Variants in ABL2 observed in about 807,000 individuals in gnomAD.
ABL2 encodes tyrosine-protein kinase ABL2.
ABL2 carries 49 observed loss-of-function variants against 107.7 expected under a neutral mutation model. That is an observed-to-expected ratio of 0.45 (90% CI 0.36 to 0.58). The LOEUF is 0.58. Among genes scored for constraint, ABL2 ranks in the 20% least tolerant of loss-of-function variants. The probability of loss-of-function intolerance (pLI) is 0.00; values close to 1 mark genes in which losing one functional copy is unlikely to be tolerated. For synonymous variants in ABL2, 549 were observed against 548.6 expected, an observed-to-expected ratio of 1.00 and a Z score of -0.01; for missense variants, 1,245 against 1,457.0, an observed-to-expected ratio of 0.85 and a Z score of 2.37.
At chr1:179,142,126 T>C (rs547234485) in intron 1 of ABL2, among the ~76,000 whole-genome samples, 2 of 152,220 alleles carry the variant, frequency 1.3e-5, no homozygotes, top group African/African-American at 4.8e-5. Flanking sequence ...ATGACTACTA[T>C]AAATTAGGTA....
intron 1 of ABL2, among the ~76,000 whole-genome samples, chr1:179,228,377 A>C (rs957420092): frequency 6.6e-6 from 1 of 152,086 alleles, no homozygotes; most frequent in Admixed American, 6.6e-5. Flanking sequence ...CAAAACAAAA[A>C]AACAAGACAA....
chr1:179,187,329 A>C (rs1660731323), intron 1 of ABL2, among the ~76,000 whole-genome samples: 1 of 152,206 alleles, frequency 6.6e-6, no homozygotes, highest in South Asian at 2.1e-4. Flanking sequence ...CATCACTAGC[A>C]ACTTGGTTGC....
At position 179,121,720 on chromosome 1, in the gene ABL2, C is replaced by T. The variant is rs1435047034; in HGVS notation, c.835G>A (p.Asp279Asn). 2 of 1,613,904 alleles carry T rather than the reference C, an allele frequency of 1.2e-6. No homozygotes were observed. The highest frequency in any genetic ancestry group is 2.7e-5 in the African/African-American group (2 of 74,846). Residue 279 changes from aspartate to asparagine, a missense_variant, in exon 5 of 12, where the codon GAC (aspartate) becomes AAC (asparagine). By Grantham distance (23) the Asp-to-Asn change is conservative. Around this residue, in one of 3 missense-constraint regions of ABL2, gnomAD observed 320 missense variants for 547.0 expected, o/e 0.59. Transcript: ENST00000502732. The stretch of plus-strand genomic sequence containing the variant: ...TCTGTTCGCTCCATTTCCCATTTGT[C>T]GTGGATGGGGGACACACCATAGACT... Reference protein sequence around the residue: ...PTVYGVSPIHDKWEMERTDIT... With the variant: ...PTVYGVSPIHNKWEMERTDIT...
At chr1:179,214,519 CATATATATATATATATATAT>C (rs59744061) in intron 1 of ABL2, among the ~76,000 whole-genome samples, 5 of 122,134 alleles carry the variant, frequency 4.1e-5, no homozygotes, top group African/African-American at 5.9e-5. Flanking sequence ...TTTAAAATGA[CATATATATATATATATATAT>C]ATATATATAT....
At chr1:179,157,129 A>C (rs1658746088) in intron 1 of ABL2, among the ~76,000 whole-genome samples, 1 of 152,072 alleles carries the variant, frequency 6.6e-6, no homozygotes, top group Non-Finnish European at 1.5e-5. Flanking sequence ...ATGCTCCAAA[A>C]TCTGAAACTT....
chr1:179,179,855 C>T (rs1369075485), intron 1 of ABL2, among the ~76,000 whole-genome samples: 1 of 151,596 alleles, frequency 6.6e-6, no homozygotes, highest in Non-Finnish European at 1.5e-5. Flanking sequence ...AATCCCAGGA[C>T]TTTGGAAGGG....
chr1:179,144,808 C>T (rs2102715402), intron 1 of ABL2, among the ~76,000 whole-genome samples: 1 of 152,190 alleles, frequency 6.6e-6, no homozygotes, highest in Admixed American at 6.5e-5. Context: ...ACAATTATGA[C>T]TAAGAATTTC....
chr1:179,226,310 CTTTTTT>C (rs745831850), intron 1 of ABL2, among the ~76,000 whole-genome samples: 12,436 of 130,810 alleles, frequency 0.095, 532 homozygotes, highest in Middle Eastern at 0.12. Flanking sequence ...ATTATCCCTA[CTTTTTT>C]TTTTTTTTTT....
At chr1:179,135,650 A>G (rs1377878631) in intron 1 of ABL2, among the ~76,000 whole-genome samples, 3 of 128,976 alleles carry the variant, frequency 2.3e-5, no homozygotes, top group Non-Finnish European at 3.2e-5. Context: ...GAGGGAGGTG[A>G]GGGGGTCAGC....
chr1:179,190,914 G>T (rs1368551388), intron 1 of ABL2, among the ~76,000 whole-genome samples: 2 of 152,114 alleles, frequency 1.3e-5, no homozygotes, highest in Admixed American at 1.3e-4. Flanking sequence ...CCAGGATATG[G>T]TCCATTATAT....
At position 179,105,877 on chromosome 1, in the gene ABL2, A is replaced by G. The variant is rs1653438721; in HGVS notation, c.*1841T>C. ...TATTTTCTACTCAGCAAATAAGATA[A>G]TGGAAAACAATTCAGCATAACAACA... On this transcript the variant is annotated 3_prime_UTR_variant, in exon 12 of 12. Coordinates refer to ENST00000502732, the MANE Select transcript of ABL2 (RefSeq NM_007314.4). 8.9e-6 allele frequency: 2 copies of G among 224,436 alleles called. No individual in the cohort carries two copies. Among genetic ancestry groups the G allele is most frequent in the African/African-American group, 4.5e-5 (2 of 44,834 alleles). The allele number at this position is 224,436 out of a possible 1,614,324, so 13.9% of individuals were successfully genotyped here.
chr1:179,226,849 CA>C (rs1663245216), intron 1 of ABL2, among the ~76,000 whole-genome samples: 1 of 152,162 alleles, frequency 6.6e-6, no homozygotes, highest in African/African-American at 2.4e-5. Context: ...ATGCCCTTAA[CA>C]AATACTCCAA....
chr1:179,106,742 A>C lies in ABL2; in HGVS notation c.*976T>G. 4.3e-6 allele frequency: 1 copy of C among 232,156 alleles called. No homozygotes were observed. Among genetic ancestry groups the C allele is most frequent in the East Asian group, 6.1e-5 (1 of 16,392 alleles). The allele number at this position is 232,156 out of a possible 1,614,324, so 14.4% of individuals were successfully genotyped here. On this transcript the variant is annotated 3_prime_UTR_variant, in exon 12 of 12. Coordinates refer to ENST00000502732, the MANE Select transcript of ABL2 (RefSeq NM_007314.4). The stretch of plus-strand genomic sequence containing the variant: ...TATTTTAGTTGATAAAGAAAAATAC[A>C]CAGCTGCTCAAGTCCTTGGCCAGTA...
At chr1:179,176,656 T>G (rs193236926) in intron 1 of ABL2, among the ~76,000 whole-genome samples, 1 of 151,516 alleles carries the variant, frequency 6.6e-6, no homozygotes, top group Admixed American at 6.6e-5. Context: ...ATAATATGGC[T>G]TTTATTAGCA....
At chr1:179,210,419 G>A (rs1029564160) in intron 1 of ABL2, among the ~76,000 whole-genome samples, 8 of 144,700 alleles carry the variant, frequency 5.5e-5, no homozygotes, top group Admixed American at 3.0e-4. Flanking sequence ...GGCGAGAATC[G>A]CCTGAACATG....
chr1:179,155,842 C>G (rs939225881), intron 1 of ABL2, among the ~76,000 whole-genome samples: 12 of 151,832 alleles, frequency 7.9e-5, no homozygotes, highest in African/African-American at 2.9e-4. Context: ...CTTCTTGGAA[C>G]AACCTTATTT....
intron 9 of ABL2, 105 bp from the exon 10 acceptor site, chr1:179,112,503 T>A: frequency 1.3e-6 from 1 of 789,162 alleles, no homozygotes. Flanking sequence ...CTTATTAAAG[T>A]ACAGTTACAG....
In ABL2 at chr1:179,133,296, T is replaced by A; in HGVS notation, c.220+16A>T. The A allele has an allele frequency of 6.2e-7, 1 of 1,614,124 alleles. No homozygotes were observed. ...AATGCCTTAGTTCAAATCTGCAACA[T>A]CTCAACATCTCTCACCTGGACTACT... is the stretch of plus-strand genomic sequence containing the variant. On this transcript the variant is annotated intron_variant, in intron 2 of 11. Coordinates refer to ENST00000502732, the MANE Select transcript of ABL2 (RefSeq NM_007314.4).
chr1:179,229,070 G>T (rs1010360221), intron 1 of ABL2, among the ~76,000 whole-genome samples, 171 bp downstream of exon 1: 2 of 152,018 alleles, frequency 1.3e-5, no homozygotes, highest in African/African-American at 2.4e-5. Flanking sequence ...CGCGAGGGGG[G>T]AGGGGTGTGA....
Sources: gnomAD v4.1 joint callset for allele counts (sites outside exome capture counted in the v4.1 genomes callset) on GRCh38, gnomAD v4.1.1 for gene constraint, gnomAD v4.1.1 regional missense constraint, MANE v1.5 for transcripts, NCBI Gene and HGNC (gene_info 2026-07-23, HGNC 2026-07-21) for gene names.